ANO4: variants seen among roughly 807,000 people sequenced by gnomAD.
The protein encoded by ANO4 is anoctamin-4.
Under a neutral mutation model 141.9 loss-of-function variants are expected in ANO4, and 69 were observed. The ratio of observed to expected loss-of-function variants is 0.49; its 90% CI spans 0.40 to 0.59. The LOEUF (loss-of-function observed/expected upper bound fraction) is 0.59, where lower values mean the gene tolerates loss of function less well. Among genes scored for constraint, ANO4 ranks in the 20% least tolerant of loss-of-function variants. The pLI is 0.00. For synonymous variants in ANO4, 350 were observed against 394.3 expected (o/e 0.89, Z 1.33); for missense variants, 894 against 1,162.2 (o/e 0.77, Z 3.36).
intron 3 of ANO4, among the ~76,000 whole-genome samples, chr12:100,752,471 C>T (rs1040177177): frequency 1.3e-5 from 2 of 152,064 alleles, no homozygotes; most frequent in African/African-American, 4.8e-5. Flanking sequence ...TCCCCAAAAA[C>T]AACAAGTCAA....
intron 7 of ANO4, among the ~76,000 whole-genome samples, chr12:100,976,965 C>G (rs1180049148): frequency 6.6e-6 from 1 of 152,124 alleles, no homozygotes; most frequent in East Asian, 1.9e-4. Flanking sequence ...TGGAACAGAG[C>G]ACATTGGGGT....
chr12:100,860,215 C>T (rs1024930498), intron 1 of ANO4, among the ~76,000 whole-genome samples: 1 of 152,144 alleles, frequency 6.6e-6, no homozygotes, highest in African/African-American at 2.4e-5. Context: ...TGCATCGTGA[C>T]CACCTTTCCA....
chr12:101,042,512 G>A, intron 12 of ANO4, 44 bp downstream of exon 12: 1 of 1,610,296 alleles, frequency 6.2e-7, no homozygotes, highest in Non-Finnish European at 8.5e-7. Flanking sequence ...TTAGTACTTA[G>A]AGGTGGCTGT....
At chr12:100,726,173 T>G (rs1209073343) in intron 1 of ANO4, among the ~76,000 whole-genome samples, 2 of 152,240 alleles carry the variant, frequency 1.3e-5, no homozygotes, top group African/African-American at 2.4e-5. Flanking sequence ...TTTGTGATAA[T>G]TTTCACTGAG....
chr12:100,742,341 CCTTT>C (rs1456974430), intron 3 of ANO4, among the ~76,000 whole-genome samples: 11 of 151,918 alleles, frequency 7.2e-5, no homozygotes, highest in African/African-American at 2.7e-4. Context: ...CTTATAGTTT[CCTTT>C]CTTTTTATTT....
In ANO4 at chr12:100,942,377, A is replaced by T; in HGVS notation, c.298A>T (p.Thr100Ser). 1 of 1,613,248 alleles carries T rather than the reference A, an allele frequency of 6.2e-7. No individual in the cohort carries two copies. The highest frequency in any genetic ancestry group is 8.5e-7 in the Non-Finnish European group (1 of 1,179,714). The change falls in exon 5 of 28, where the codon ACA becomes TCA. Residue 100 changes from threonine to serine, a missense_variant and splice_region_variant. Coordinates refer to ENST00000392977, the MANE Select transcript of ANO4 (RefSeq NM_001286615.2). ...CTGGTCCCTTTCTCTTTGTGTGCAG[A>T]CAGTGCCAGAAAGAAACAAATCAAA... ...DASRLEAGGE[T>S]VPERNKSNGL...
At chr12:100,998,215 C>T (rs1259472737) in intron 8 of ANO4, among the ~76,000 whole-genome samples, 1 of 152,148 alleles carries the variant, frequency 6.6e-6, no homozygotes, top group Non-Finnish European at 1.5e-5. Flanking sequence ...GCCTAGTCTC[C>T]TAGCCTACAT....
At chr12:100,968,930 A>G (rs2043800217) in intron 5 of ANO4, among the ~76,000 whole-genome samples, 1 of 152,184 alleles carries the variant, frequency 6.6e-6, no homozygotes, top group Non-Finnish European at 1.5e-5. Flanking sequence ...TGATCTAAGC[A>G]GCTGTGCCGG....
At chr12:100,893,392 A>G (rs1347900425) in intron 1 of ANO4, among the ~76,000 whole-genome samples, 1 of 152,042 alleles carries the variant, frequency 6.6e-6, no homozygotes, top group Non-Finnish European at 1.5e-5. Flanking sequence ...TCACACCCAG[A>G]AACATTTGTC....
chr12:101,068,516 C>T, intron 14 of ANO4: 1 of 1,119,186 alleles, frequency 8.9e-7, no homozygotes, highest in Non-Finnish European at 1.4e-6. Flanking sequence ...TCATATTTTC[C>T]TGGAATATGA....
chr12:100,777,486 A>G (rs1301608903), intron 3 of ANO4, among the ~76,000 whole-genome samples: 1 of 151,648 alleles, frequency 6.6e-6, no homozygotes, highest in Non-Finnish European at 1.5e-5. Context: ...GTAAAAAGCC[A>G]TGAGAAGGAG....
At chr12:100,731,931 C>T (rs899034640) in intron 1 of ANO4, among the ~76,000 whole-genome samples, 1 of 152,114 alleles carries the variant, frequency 6.6e-6, no homozygotes, top group Non-Finnish European at 1.5e-5. Flanking sequence ...CAAGTTATGG[C>T]AACTATGAAT....
chr12:101,054,666 A>AT lies in ANO4; in HGVS notation c.1312+6272dup, dbSNP rs560670847. ...AGGCGCCCGCCACCACGCCCAGCTA[A>AT]TTTTTTTGTATTTTTAGTAGAGACG... On this transcript the variant is annotated intron_variant, in intron 14 of 27. Coordinates refer to ENST00000392977, the MANE Select transcript of ANO4 (RefSeq NM_001286615.2). Among the ~76,000 whole-genome samples the AT allele has an allele frequency of 2.6e-3, 398 of 152,092 alleles. 13 individuals carry two copies. In the South Asian group the frequency reaches 0.061, roughly 23 times the overall value.
chr12:100,860,071 G>A (rs2038391540), intron 1 of ANO4, among the ~76,000 whole-genome samples: 1 of 152,094 alleles, frequency 6.6e-6, no homozygotes, highest in African/African-American at 2.4e-5. Context: ...GCAGTTTAAT[G>A]TGGACCCTCA....
intron 14 of ANO4, chr12:101,068,454 C>T (rs878918867): frequency 1.1e-6 from 1 of 914,446 alleles, no homozygotes; most frequent in African/African-American, 1.6e-5. Context: ...TCCCATGAAG[C>T]CTTTCTTTAG....
At chr12:101,091,280 A>G (rs2049761256) in intron 17 of ANO4, among the ~76,000 whole-genome samples, 5 of 152,184 alleles carry the variant, frequency 3.3e-5, no homozygotes, top group East Asian at 1.9e-4. Context: ...AAAAATGTAC[A>G]TAAGAACTCT....
At chr12:100,933,732 A>T (rs908293363) in intron 3 of ANO4, among the ~76,000 whole-genome samples, 1 of 152,212 alleles carries the variant, frequency 6.6e-6, no homozygotes, top group Non-Finnish European at 1.5e-5. Flanking sequence ...ACTCCCACCA[A>T]CAATGTAAAA....
At chr12:101,055,182 C>A (rs558255847) in intron 14 of ANO4, among the ~76,000 whole-genome samples, 1 of 152,284 alleles carries the variant, frequency 6.6e-6, no homozygotes, top group Non-Finnish European at 1.5e-5. Context: ...TGTAGCCATT[C>A]ATCTTGGATG....
At chr12:100,895,135 T>C (rs1374818920) in intron 1 of ANO4, among the ~76,000 whole-genome samples, 1 of 141,870 alleles carries the variant, frequency 7.0e-6, no homozygotes, top group Non-Finnish European at 1.5e-5. Context: ...GAAATAAATA[T>C]TCCCTTCTAC....
Sources: gnomAD v4.1 joint callset for allele counts (sites outside exome capture counted in the v4.1 genomes callset) on GRCh38, gnomAD v4.1.1 for gene constraint, MANE v1.5 for transcripts, NCBI Gene and HGNC (gene_info 2026-07-23, HGNC 2026-07-21) for gene names.